Variants in PKHD1L1 observed in about 807,000 individuals in gnomAD.
The protein encoded by PKHD1L1 is fibrocystin-L.
PKHD1L1 carries 434 observed loss-of-function variants against 462.9 expected under a neutral mutation model. That is an observed-to-expected ratio of 0.94 (90% CI 0.87 to 1.02). The LOEUF (loss-of-function observed/expected upper bound fraction) is 1.02, where lower values mean the gene tolerates loss of function less well. Among genes scored for constraint, PKHD1L1 ranks in the 50% least tolerant of loss-of-function variants. The probability of loss-of-function intolerance (pLI) is 0.00; values close to 1 mark genes in which losing one functional copy is unlikely to be tolerated. For missense variants in PKHD1L1, 5,202 were observed against 5,096.1 expected, an observed-to-expected ratio of 1.02 and a Z score of -0.63; for synonymous variants, 1,781 against 1,750.0, an observed-to-expected ratio of 1.02 and a Z score of -0.44.
At chr8:109,375,640 C>T (rs572196488) in intron 2 of PKHD1L1, among the ~76,000 whole-genome samples, 1 of 151,800 alleles carries the variant, frequency 6.6e-6, no homozygotes, top group East Asian at 1.9e-4. Flanking sequence ...TTTTATCTAC[C>T]TTTGGTCTTT....
intron 50 of PKHD1L1, among the ~76,000 whole-genome samples, chr8:109,472,017 A>C (rs1817747344): frequency 6.6e-6 from 1 of 152,050 alleles, no homozygotes; most frequent in Non-Finnish European, 1.5e-5. Flanking sequence ...GAGGTGCTTG[A>C]TCTACAAAGA....
intron 37 of PKHD1L1, 101 bp from the exon 38 acceptor site, chr8:109,444,560 C>T: frequency 9.2e-7 from 1 of 1,083,814 alleles, no homozygotes; most frequent in South Asian, 1.7e-5. Flanking sequence ...TTTATTTGCA[C>T]ATGATTAACT....
At chr8:109,381,595 T>G (rs1487141341) in intron 3 of PKHD1L1, 81 bp downstream of exon 3, 2 of 1,042,374 alleles carry the variant, frequency 1.9e-6, no homozygotes, top group East Asian at 2.7e-5. Flanking sequence ...TATAATAGTT[T>G]TATTACCCTG....
chr8:109,533,316 G>A lies in PKHD1L1; in HGVS notation c.*3226G>A, dbSNP rs1430888126. Among the ~76,000 whole-genome samples the A allele has an allele frequency of 2.0e-5, 3 of 152,230 alleles. No homozygotes were observed. Among genetic ancestry groups the A allele is most frequent in the Non-Finnish European group, 4.4e-5 (3 of 68,044 alleles). ...ACTGATGGTATCATATATATGACATGTAACACAGTGCCTAACAGGCGGTAA... is the reference window on the plus strand; with the variant it reads ...ACTGATGGTATCATATATATGACATATAACACAGTGCCTAACAGGCGGTAA... On this transcript the variant is annotated 3_prime_UTR_variant, in exon 78 of 78. Transcript: ENST00000378402.
intron 71 of PKHD1L1, among the ~76,000 whole-genome samples, chr8:109,513,726 C>T (rs769387373): frequency 2.0e-5 from 3 of 152,026 alleles, no homozygotes; most frequent in Non-Finnish European, 4.4e-5. Context: ...ACCTTGGAAC[C>T]ACTCTTGACT....
At chr8:109,437,337 A>G (rs1409636917) in intron 30 of PKHD1L1, among the ~76,000 whole-genome samples, 1 of 152,196 alleles carries the variant, frequency 6.6e-6, no homozygotes, top group Admixed American at 6.5e-5. Flanking sequence ...CTTTATTTTT[A>G]AAACAGAGTT....
At position 109,443,905 on chromosome 8, in the gene PKHD1L1, A is replaced by C; in HGVS notation, c.4791+3A>C. ...GTAATCTCCCATGGGCTAATAAGGT[A>C]AGAATATAAATACCTCCTTTGTACT... is the stretch of plus-strand genomic sequence containing the variant. On this transcript the variant is annotated splice_donor_region_variant and intron_variant, in intron 37 of 77. Coordinates refer to ENST00000378402, the MANE Select transcript of PKHD1L1 (RefSeq NM_177531.6). 1 of 1,588,326 alleles carries C rather than the reference A, an allele frequency of 6.3e-7. No homozygotes were observed. Among genetic ancestry groups the C allele is most frequent in the East Asian group, 2.2e-5 (1 of 44,754 alleles).
Position 109,493,668 on chromosome 8 carries a change from G to A in PKHD1L1, c.10244G>A (p.Arg3415Lys), listed in dbSNP as rs753944567. ...TLWHAAIEIN[R>K]GTNTVLQNNV... ...TTTTAATCATTGCACTAGATAAATA[G>A]AGGGACCAATACAGTTTTACAGAAT... The change falls in exon 63 of 78, where the codon AGA becomes AAA. Residue 3415 changes from arginine (R) to lysine (K), a missense_variant. Physicochemically the swap from Arg to Lys is conservative, Grantham distance 26. Transcript: ENST00000378402. 3.1e-6 allele frequency: 5 copies of A among 1,597,388 alleles called. No individual in the cohort carries two copies. The African/African-American group carries it at 6.7e-5, about 22-fold the overall frequency.
At chr8:109,485,905 A>G (rs1818500572) in intron 58 of PKHD1L1, among the ~76,000 whole-genome samples, 1 of 151,950 alleles carries the variant, frequency 6.6e-6, no homozygotes, top group African/African-American at 2.4e-5. Flanking sequence ...TTTAAATCAT[A>G]AAGAAAAGTT....
intron 2 of PKHD1L1, among the ~76,000 whole-genome samples, chr8:109,379,818 A>C (rs1317895708): frequency 6.6e-6 from 1 of 152,210 alleles, no homozygotes; most frequent in East Asian, 1.9e-4. Context: ...CATCAAACAT[A>C]TTTAGTATAT....
chr8:109,362,695 C>A, intron 1 of PKHD1L1, 42 bp downstream of exon 1: 1 of 1,549,094 alleles, frequency 6.5e-7, no homozygotes, highest in Non-Finnish European at 8.8e-7. Flanking sequence ...AGGAGAGGCC[C>A]GCGTAGACAC....
chr8:109,515,685 A>G (rs1007975823), intron 72 of PKHD1L1, among the ~76,000 whole-genome samples: 1 of 152,188 alleles, frequency 6.6e-6, no homozygotes, highest in African/African-American at 2.4e-5. Context: ...AACCTAAATT[A>G]ATTGGCAGTC....
chr8:109,451,596 A>T (rs1286068033), intron 41 of PKHD1L1, among the ~76,000 whole-genome samples: 1 of 152,168 alleles, frequency 6.6e-6, no homozygotes, highest in Non-Finnish European at 1.5e-5. Flanking sequence ...TTTCTTAAAC[A>T]TACTCATTAT....
At chr8:109,492,231 C>T (rs1180459303) in intron 62 of PKHD1L1, among the ~76,000 whole-genome samples, 4 of 151,204 alleles carry the variant, frequency 2.6e-5, no homozygotes, top group East Asian at 3.9e-4. Flanking sequence ...TGCTGCTGCT[C>T]GACTGAGTGC....
Position 109,464,922 on chromosome 8 carries a change from G to A in PKHD1L1, c.8090G>A (p.Gly2697Asp), listed in dbSNP as rs755675853. ...CTGGCTCCTTATGTTGGAGGGTGGGGTGAAACCAATGGAGCGGTGATTAAA... is the reference window on the plus strand; with the variant it reads ...CTGGCTCCTTATGTTGGAGGGTGGGATGAAACCAATGGAGCGGTGATTAAA... ...RILAPYVGGWGETNGAVIKNA... is the reference protein window; with the variant it reads ...RILAPYVGGWDETNGAVIKNA... Residue 2697 changes from glycine to aspartate, a missense_variant, in exon 49 of 78, where the codon GGT (glycine) becomes GAT (aspartate). By Grantham distance (94) the Gly-to-Asp change is moderately conservative. Coordinates refer to ENST00000378402, the MANE Select transcript of PKHD1L1 (RefSeq NM_177531.6). 3 of 1,613,820 alleles carry A rather than the reference G, an allele frequency of 1.9e-6. No homozygotes were observed. The South Asian group carries it at 3.3e-5, about 18-fold the overall frequency.
At position 109,479,939 on chromosome 8, in the gene PKHD1L1, A is replaced by G. The variant is rs950697099; in HGVS notation, c.9179-52A>G. On this transcript the variant is annotated intron_variant, in intron 54 of 77. Coordinates refer to ENST00000378402, the MANE Select transcript of PKHD1L1 (RefSeq NM_177531.6). ...CTGATAAGCTTGTCAATGTTTTGCTATAAGTTGTAGTTTATGGATTATGTT... is the reference window on the plus strand; with the variant it reads ...CTGATAAGCTTGTCAATGTTTTGCTGTAAGTTGTAGTTTATGGATTATGTT... The G allele has an allele frequency of 4.1e-6, 6 of 1,467,810 alleles. No individual in the cohort carries two copies. The South Asian group carries it at 4.2e-5, about 10-fold the overall frequency. 90.9% of individuals were successfully genotyped at this position (1,467,810 alleles called of 1,614,324 possible).
chr8:109,517,786 T>A (rs927412618), intron 72 of PKHD1L1, among the ~76,000 whole-genome samples: 3 of 152,130 alleles, frequency 2.0e-5, no homozygotes, highest in African/African-American at 7.2e-5. Flanking sequence ...GCTAGTAAAG[T>A]TAAATTTATA....
Position 109,479,647 on chromosome 8 carries a change from CG to C in PKHD1L1, c.9178+9del. Reference sequence around the variant, plus strand: ...ATGTGATTATACCTGAAGGTAAATGCGTAAACACAAATGAATGAAATGTTTG... The same window carrying C: ...ATGTGATTATACCTGAAGGTAAATGCTAAACACAAATGAATGAAATGTTTG... On this transcript the variant is annotated intron_variant, in intron 54 of 77. Transcript: ENST00000378402. 6.9e-7 allele frequency: 1 copy of C among 1,451,284 alleles called. No homozygotes were observed. Among genetic ancestry groups the C allele is most frequent in the South Asian group, 1.2e-5 (1 of 81,304 alleles). The allele number at this position is 1,451,284 out of a possible 1,614,324, so 89.9% of individuals were successfully genotyped here.
intron 28 of PKHD1L1, among the ~76,000 whole-genome samples, chr8:109,434,281 A>G (rs949329891): frequency 6.6e-6 from 1 of 152,000 alleles, no homozygotes; most frequent in African/African-American, 2.4e-5. Context: ...CACTCTTCCC[A>G]ACTCATGAAA....
Sources: allele counts gnomAD v4.1 joint callset (sites outside exome capture counted in the v4.1 genomes callset), GRCh38; gene constraint gnomAD v4.1.1; transcripts MANE v1.5; gene names NCBI Gene and HGNC (gene_info 2026-07-23, HGNC 2026-07-21).